ANKFN1: variants seen among roughly 807,000 people sequenced by gnomAD.
ANKFN1 encodes ankyrin repeat and fibronectin type III domain containing 1.
Under a neutral mutation model 108.7 loss-of-function variants are expected in ANKFN1, and 74 were observed. The ratio of observed to expected loss-of-function variants is 0.68; its 90% CI spans 0.56 to 0.83. ANKFN1 has a LOEUF of 0.83. Ranked by LOEUF, ANKFN1 falls within the 40% of genes least tolerant of loss-of-function variation. The probability of loss-of-function intolerance (pLI) is 0.00; values close to 1 mark genes in which losing one functional copy is unlikely to be tolerated. For synonymous variants in ANKFN1, 547 were observed against 516.2 expected (o/e 1.06, Z -0.81); for missense variants, 1,505 against 1,382.3 (o/e 1.09, Z -1.41).
chr17:56,245,542 A>G (rs1917898689), intron 3 of ANKFN1, among the ~76,000 whole-genome samples: 2 of 152,132 alleles, frequency 1.3e-5, no homozygotes, highest in African/African-American at 4.8e-5. Flanking sequence ...CCTAAATCCC[A>G]TATGAACTGT....
intron 3 of ANKFN1, among the ~76,000 whole-genome samples, chr17:56,284,380 A>T (rs1020377859): frequency 2.0e-5 from 3 of 152,228 alleles, no homozygotes; most frequent in Admixed American, 2.0e-4. Context: ...AAAGTATGAG[A>T]TGAAAATACT....
chr17:56,055,900 T>C (rs1028290455), intron 4 of ANKFN1, among the ~76,000 whole-genome samples: 1 of 151,994 alleles, frequency 6.6e-6, no homozygotes, highest in African/African-American at 2.4e-5. Flanking sequence ...GCTTTTAGAC[T>C]TTTTAATAAT....
intron 8 of ANKFN1, among the ~76,000 whole-genome samples, chr17:56,425,001 G>A (rs1199276635): frequency 1.3e-5 from 2 of 152,028 alleles, no homozygotes; most frequent in East Asian, 3.9e-4. Context: ...ATTACTGTTT[G>A]CAATTGAACT....
At chr17:56,497,992 T>A (rs1340115977) in intron 19 of ANKFN1, among the ~76,000 whole-genome samples, 1 of 152,164 alleles carries the variant, frequency 6.6e-6, no homozygotes, top group East Asian at 1.9e-4. Flanking sequence ...GTCATCTATA[T>A]ATACAGAGAG....
At position 56,294,857 on chromosome 17, in the gene ANKFN1, A is replaced by T. The variant is rs539582288; in HGVS notation, c.54-31364A>T. On this transcript the variant is annotated intron_variant, in intron 3 of 20. Coordinates refer to ENST00000682825, the MANE Select transcript of ANKFN1 (RefSeq NM_001370326.1). ...ATACAGAACAAGGCTTGAGCCATTG[A>T]GTCCTGGAAGAACTTTCACAAGGCA... Among the ~76,000 whole-genome samples the T allele has an allele frequency of 2.5e-4, 38 of 152,378 alleles. No homozygotes were observed. The South Asian group carries it at 7.2e-3, about 29-fold the overall frequency.
intron 3 of ANKFN1, 132 bp downstream of exon 3, chr17:56,228,089 A>G (rs1355020766): frequency 2.9e-6 from 2 of 687,164 alleles, no homozygotes; most frequent in Non-Finnish European, 4.7e-6. Context: ...CCAATCTAAC[A>G]TTTCATACTA....
intron 1 of ANKFN1, chr17:56,206,450 G>A (rs1914542266): frequency 6.6e-6 from 1 of 152,114 alleles, no homozygotes; most frequent in Non-Finnish European, 1.5e-5. Flanking sequence ...TTTGTTGCCT[G>A]AATCTAACTA....
At chr17:56,425,466 G>A (rs1341862618) in intron 8 of ANKFN1, among the ~76,000 whole-genome samples, 2 of 152,090 alleles carry the variant, frequency 1.3e-5, no homozygotes, top group Admixed American at 6.5e-5. Context: ...TCACATAATG[G>A]CTGATCTTTC....
Position 56,317,932 on chromosome 17 carries a change from G to A in ANKFN1, c.54-8289G>A, listed in dbSNP as rs1418517692. The stretch of plus-strand genomic sequence containing the variant: ...TGCTTACCCTTCCCTTGTGAGACAC[G>A]ATACACATTGTCTCCCCTTGTGCTT... On this transcript the variant is annotated intron_variant, in intron 3 of 20. Transcript: ENST00000682825. Among the ~76,000 whole-genome samples, 5 of 152,114 alleles carry A rather than the reference G, an allele frequency of 3.3e-5. No homozygotes were observed. The East Asian group carries it at 9.6e-4, about 29-fold the overall frequency.
At chr17:56,407,090 T>A (rs1233223241) in intron 8 of ANKFN1, among the ~76,000 whole-genome samples, 2 of 152,184 alleles carry the variant, frequency 1.3e-5, no homozygotes, top group Admixed American at 6.5e-5. Context: ...AAACATTTGA[T>A]AAGCTAAAAT....
intron 4 of ANKFN1, among the ~76,000 whole-genome samples, chr17:56,333,460 A>G (rs2045721451): frequency 6.6e-6 from 1 of 152,144 alleles, no homozygotes; most frequent in Non-Finnish European, 1.5e-5. Flanking sequence ...AATATATTAA[A>G]TTACATTGAC....
At chr17:56,378,830 G>A (rs1034231933) in intron 8 of ANKFN1, among the ~76,000 whole-genome samples, 11 of 152,098 alleles carry the variant, frequency 7.2e-5, no homozygotes, top group East Asian at 1.9e-4. Context: ...GTCTGCTGGG[G>A]GTGAGAGGAT....
chr17:56,281,360 G>A (rs2044078132), intron 3 of ANKFN1, among the ~76,000 whole-genome samples: 1 of 151,900 alleles, frequency 6.6e-6, no homozygotes, highest in South Asian at 2.1e-4. Context: ...ATAATTTGAA[G>A]GGAAAAAAAG....
chr17:56,366,351 C>T (rs1414168909), intron 6 of ANKFN1, among the ~76,000 whole-genome samples: 6 of 152,042 alleles, frequency 3.9e-5, no homozygotes, highest in African/African-American at 1.5e-4. Flanking sequence ...CAGAAGGAGC[C>T]AACCATAGCT....
At chr17:56,465,898 A>G (rs375785671) in intron 14 of ANKFN1, among the ~76,000 whole-genome samples, 2 of 152,294 alleles carry the variant, frequency 1.3e-5, no homozygotes, top group East Asian at 1.9e-4. Flanking sequence ...TACATTGTCA[A>G]TTCACTTCTT....
intron 15 of ANKFN1, among the ~76,000 whole-genome samples, chr17:56,474,883 T>A (rs533948124): frequency 4.6e-5 from 7 of 152,308 alleles, no homozygotes; most frequent in Admixed American, 2.6e-4. Context: ...ATATTAATAA[T>A]AATTGCTTCT....
At chr17:56,458,275 C>T (rs145370919) in intron 14 of ANKFN1, among the ~76,000 whole-genome samples, 6 of 152,052 alleles carry the variant, frequency 3.9e-5, no homozygotes, top group East Asian at 1.9e-4. Context: ...ATTAGTCAGC[C>T]GACTCAGTTC....
rs558946813 is a variant in ANKFN1 at position 56,405,147 on chromosome 17, G to C, written c.910+30433G>C. Among the ~76,000 whole-genome samples, 5 of 152,336 alleles carry C rather than the reference G, an allele frequency of 3.3e-5. No homozygotes were observed. In the South Asian group the frequency reaches 1.0e-3, roughly 32 times the overall value. ...CTATTTTTGTGCTGGTTGGCCTCCG[G>C]CCGGGAGGTGGCCCTTTCCAGAGAC... is the stretch of plus-strand genomic sequence containing the variant. On this transcript the variant is annotated intron_variant, in intron 8 of 20. Transcript: ENST00000682825.
intron 12 of ANKFN1, 97 bp from the exon 13 acceptor site, chr17:56,457,160 T>G: frequency 7.8e-7 from 1 of 1,277,624 alleles, no homozygotes; most frequent in Non-Finnish European, 1.1e-6. Context: ...AGGAATACGT[T>G]CCTAGGTATA....
Sources: allele counts gnomAD v4.1 joint callset (sites outside exome capture counted in the v4.1 genomes callset), GRCh38; gene constraint gnomAD v4.1.1; transcripts MANE v1.5; gene names NCBI Gene and HGNC (gene_info 2026-07-23, HGNC 2026-07-21).